Variants in PARVA observed in about 807,000 individuals in gnomAD.
PARVA encodes the protein alpha-parvin.
Under a neutral mutation model 52.6 loss-of-function variants are expected in PARVA, and 25 were observed. The ratio of observed to expected loss-of-function variants is 0.48; its 90% CI spans 0.35 to 0.66. The LOEUF (loss-of-function observed/expected upper bound fraction) is 0.66, where lower values mean the gene tolerates loss of function less well. Among genes scored for constraint, PARVA ranks in the 30% least tolerant of loss-of-function variants. The pLI, the probability that PARVA is intolerant of heterozygous loss-of-function variation, is 0.01. For synonymous variants in PARVA, 185 were observed against 179.1 expected (o/e 1.03, Z -0.26); for missense variants, 373 against 450.9 (o/e 0.83, Z 1.56).
intron 4 of PARVA, among the ~76,000 whole-genome samples, chr11:12,493,342 T>G (rs1941256017): frequency 8.9e-6 from 1 of 112,100 alleles, no homozygotes; most frequent in Non-Finnish European, 1.8e-5. Flanking sequence ...GGCAACATAA[T>G]GAGACTCCAT....
At chr11:12,469,443 A>G (rs925960254) in intron 1 of PARVA, among the ~76,000 whole-genome samples, 1 of 152,208 alleles carries the variant, frequency 6.6e-6, no homozygotes, top group Non-Finnish European at 1.5e-5. Context: ...GAGGAGGTTC[A>G]GTGGATAAAC....
intron 1 of PARVA, among the ~76,000 whole-genome samples, chr11:12,427,549 T>C (rs1050887647): frequency 6.6e-6 from 1 of 152,244 alleles, no homozygotes; most frequent in Non-Finnish European, 1.5e-5. Context: ...TCTCTGTTGA[T>C]GGAAGCAAGT....
intron 1 of PARVA, among the ~76,000 whole-genome samples, chr11:12,466,006 T>C (rs939814333): frequency 1.4e-4 from 21 of 152,224 alleles, no homozygotes; most frequent in Admixed American, 1.3e-3. Context: ...TGCCAGTGTT[T>C]AGTGTTGTCA....
chr11:12,376,904 T>A (rs944326979), upstream of PARVA, among the ~76,000 whole-genome samples: 1 of 152,210 alleles, frequency 6.6e-6, no homozygotes, highest in Non-Finnish European at 1.5e-5. Context: ...GGTTGTGCTT[T>A]TCCCATTCAT....
At chr11:12,377,449 T>A, upstream of PARVA, 2 of 1,393,706 alleles carry the variant, frequency 1.4e-6, no homozygotes, top group Admixed American at 3.7e-5. Context: ...GCGCAGCTCC[T>A]TCCAGGGCAG....
intron 4 of PARVA, among the ~76,000 whole-genome samples, chr11:12,490,764 A>G (rs1941225558): frequency 1.3e-5 from 2 of 152,370 alleles, no homozygotes; most frequent in South Asian, 2.1e-4. Context: ...AAAACAAGAT[A>G]GAATCAGAAT....
chr11:12,471,760 G>A (rs768044569), intron 1 of PARVA, among the ~76,000 whole-genome samples: 11 of 152,288 alleles, frequency 7.2e-5, no homozygotes, highest in Admixed American at 3.3e-4. Context: ...GCTACGGAGC[G>A]GAATTTTTAA....
chr11:12,489,403 C>T (rs1941203160), intron 4 of PARVA, among the ~76,000 whole-genome samples: 1 of 151,772 alleles, frequency 6.6e-6, no homozygotes, highest in South Asian at 2.1e-4. Context: ...AATTAATGAA[C>T]CAGAAGACAG....
intron 1 of PARVA, among the ~76,000 whole-genome samples, chr11:12,448,946 A>G (rs1940584862): frequency 1.3e-5 from 2 of 152,252 alleles, no homozygotes; most frequent in East Asian, 3.9e-4. Context: ...GCTTATTTAA[A>G]CCACTGTGAG....
intron 1 of PARVA, among the ~76,000 whole-genome samples, chr11:12,401,844 A>G (rs1939832779): frequency 6.6e-6 from 1 of 152,262 alleles, no homozygotes; most frequent in South Asian, 2.1e-4. Flanking sequence ...CTTACTGCAC[A>G]GTAGCTAAGG....
chr11:12,497,309 A>AT (rs1941310516), intron 5 of PARVA, among the ~76,000 whole-genome samples: 2 of 152,206 alleles, frequency 1.3e-5, no homozygotes, highest in Non-Finnish European at 2.9e-5. Flanking sequence ...ATTGTAATAG[A>AT]TAAAAATATG....
intron 6 of PARVA, among the ~76,000 whole-genome samples, chr11:12,507,989 T>TGGAC (rs545349593): frequency 1.0e-4 from 15 of 149,862 alleles, no homozygotes; most frequent in East Asian, 2.0e-4. Context: ...GATGGATGGA[T>TGGAC]GGACGGACGG....
At chr11:12,475,790 C>T (rs1941004994) in intron 3 of PARVA, among the ~76,000 whole-genome samples, 1 of 152,246 alleles carries the variant, frequency 6.6e-6, no homozygotes, top group Non-Finnish European at 1.5e-5. Context: ...TGGATCACAA[C>T]CGGAGCCTCA....
chr11:12,424,122 C>T (rs1206806054), intron 1 of PARVA, among the ~76,000 whole-genome samples: 1 of 151,850 alleles, frequency 6.6e-6, no homozygotes, highest in Non-Finnish European at 1.5e-5. Context: ...TTATTTTTCC[C>T]ATTATAATTG....
chr11:12,467,319 C>A (rs1589968656), intron 1 of PARVA, among the ~76,000 whole-genome samples: 1 of 152,138 alleles, frequency 6.6e-6, no homozygotes, highest in East Asian at 1.9e-4. Context: ...AGAAATATCA[C>A]CGGCAAACAA....
intron 4 of PARVA, among the ~76,000 whole-genome samples, chr11:12,484,309 G>A (rs1392706791): frequency 6.6e-6 from 1 of 152,160 alleles, no homozygotes; most frequent in African/African-American, 2.4e-5. Flanking sequence ...TCATTTGACT[G>A]ATCCTTATGT....
chr11:12,524,791 C>T (rs1941680040), intron 12 of PARVA, among the ~76,000 whole-genome samples: 1 of 152,216 alleles, frequency 6.6e-6, no homozygotes, highest in Non-Finnish European at 1.5e-5. Flanking sequence ...CTTGGAGGGT[C>T]CATGCTCTCT....
intron 12 of PARVA, among the ~76,000 whole-genome samples, chr11:12,520,041 T>G (rs772550957): frequency 2.0e-5 from 3 of 152,264 alleles, no homozygotes; most frequent in Non-Finnish European, 4.4e-5. Context: ...GGTTACAGAT[T>G]GGAAGTACTT....
intron 1 of PARVA, among the ~76,000 whole-genome samples, chr11:12,432,666 T>C (rs145831034): frequency 7.8e-4 from 119 of 152,348 alleles, no homozygotes; most frequent in African/African-American, 2.6e-3. Context: ...TTAAAGTAAT[T>C]TGACAAAGAA....
Sources: allele counts gnomAD v4.1 joint callset (sites outside exome capture counted in the v4.1 genomes callset), GRCh38; gene constraint gnomAD v4.1.1; transcripts MANE v1.5; gene names NCBI Gene and HGNC (gene_info 2026-07-23, HGNC 2026-07-21).